USP45: variants seen among roughly 807,000 people sequenced by gnomAD.
The protein encoded by USP45 is ubiquitin carboxyl-terminal hydrolase 45.
USP45 carries 89 observed loss-of-function variants against 95.8 expected under a neutral mutation model. The observed-to-expected ratio is 0.93, with a 90% CI of 0.78 to 1.11. The LOEUF (loss-of-function observed/expected upper bound fraction) is 1.11, where lower values mean the gene tolerates loss of function less well. Among genes scored for constraint, USP45 ranks in the 50% least tolerant of loss-of-function variants. The probability of loss-of-function intolerance (pLI) is 0.00; values close to 1 mark genes in which losing one functional copy is unlikely to be tolerated. For missense variants in USP45, 898 were observed against 942.5 expected, an observed-to-expected ratio of 0.95 and a Z score of 0.62; for synonymous variants, 281 against 316.2, an observed-to-expected ratio of 0.89 and a Z score of 1.18.
chr6:99,502,664 G>A lies in USP45; in HGVS notation c.478+1101C>T, dbSNP rs114851250. Among the ~76,000 whole-genome samples, 1,194 of 152,264 alleles carry A rather than the reference G, an allele frequency of 7.8e-3. 16 individuals are homozygous for A. Among genetic ancestry groups the A allele is most frequent in the African/African-American group, 0.028 (1,144 of 41,548 alleles). On this transcript the variant is annotated intron_variant, in intron 5 of 17. Coordinates refer to ENST00000500704, the MANE Select transcript of USP45 (RefSeq NM_001346022.3). ...TGTGTCCACACCCAAATCTCATGTC[G>A]AGTTGTAATCGCCAATGTTGGAGGA... is the stretch of plus-strand genomic sequence containing the variant.
At position 99,432,998 on chromosome 6, in the gene USP45, TTTTA is replaced by T. The variant is rs1480757920; in HGVS notation, c.*2714_*2717del. ...TTTGAATTGATACCAACTGTCTTCT[TTTTA>T]TTTATTTTTGAGACAGGGTCTCACT... On this transcript the variant is annotated 3_prime_UTR_variant, in exon 18 of 18. Transcript: ENST00000500704. 1 of 152,278 alleles carries T rather than the reference TTTTA, an allele frequency of 6.6e-6. No individual in the cohort carries two copies. The highest frequency in any genetic ancestry group is 1.5e-5 in the Non-Finnish European group (1 of 68,028). 9.4% of individuals were successfully genotyped at this position (152,278 alleles called of 1,614,324 possible). A position where few individuals can be genotyped will look rare whatever the true frequency, so the allele number is the denominator to read the frequency against.
intron 13 of USP45, among the ~76,000 whole-genome samples, chr6:99,463,536 T>C (rs1214871446): frequency 4.6e-5 from 7 of 151,860 alleles, no homozygotes; most frequent in Non-Finnish European, 8.8e-5. Context: ...AGGGAATCTG[T>C]AGATGAAAAG....
Position 99,440,387 on chromosome 6 carries a change from T to C in USP45, c.2074-532A>G, listed in dbSNP as rs546636156. Among the ~76,000 whole-genome samples, 3 of 152,348 alleles carry C rather than the reference T, an allele frequency of 2.0e-5. No individual in the cohort carries two copies. The South Asian group carries it at 6.2e-4, about 32-fold the overall frequency. ...TTACATCAATAAAATTGTACTTTTA[T>C]GTTCTTAAATATGCTCTCTTTTTCT... On this transcript the variant is annotated intron_variant, in intron 15 of 17. Transcript: ENST00000500704.
chr6:99,445,814 T>C lies in USP45; in HGVS notation c.1958A>G (p.Glu653Gly), dbSNP rs770790726. 1 of 1,573,432 alleles carries C rather than the reference T, an allele frequency of 6.4e-7. No homozygotes were observed. Among genetic ancestry groups the C allele is most frequent in the Admixed American group, 2.0e-5 (1 of 50,024 alleles). ...NCTKNKQKYQ[E>G]ETSFAEKKVE... ...ATAATTACCTGCAAAACTGGTTTCTTCTTGGTACTTCTGTTTGTTTTTAGT... is the reference window on the plus strand; with the variant it reads ...ATAATTACCTGCAAAACTGGTTTCTCCTTGGTACTTCTGTTTGTTTTTAGT... Residue 653 changes from glutamate (E) to glycine (G), a missense_variant, in exon 14 of 18, where the codon GAA (glutamate) becomes GGA (glycine). By Grantham distance (98) the Glu-to-Gly change is moderately conservative. Coordinates refer to ENST00000500704, the MANE Select transcript of USP45 (RefSeq NM_001346022.3).
chr6:99,515,922 C>T (rs1167173851), upstream of USP45, among the ~76,000 whole-genome samples: 2 of 151,942 alleles, frequency 1.3e-5, no homozygotes, highest in African/African-American at 2.4e-5. Flanking sequence ...CTACAGGCGC[C>T]CGCCATCACG....
At chr6:99,486,230 G>C (rs1793842904) in intron 7 of USP45, among the ~76,000 whole-genome samples, 1 of 152,180 alleles carries the variant, frequency 6.6e-6, no homozygotes, top group African/African-American at 2.4e-5. Flanking sequence ...TCAAAGAACA[G>C]TGCCACAGCT....
At chr6:99,458,517 T>A (rs1342045310) in intron 13 of USP45, among the ~76,000 whole-genome samples, 1 of 152,216 alleles carries the variant, frequency 6.6e-6, no homozygotes, top group Non-Finnish European at 1.5e-5. Flanking sequence ...GGGGGCAGTA[T>A]ACGTGGTTAA....
Position 99,464,758 on chromosome 6 carries a change from G to T in USP45, c.1165-11C>A. 2 of 1,580,368 alleles carry T rather than the reference G, an allele frequency of 1.3e-6. No homozygotes were observed. ...TAAAGGTTTTGAAACCTATGTAAAT[G>T]CCACATACAGAAACCAAAACCTCTT... On this transcript the variant is annotated splice_polypyrimidine_tract_variant and intron_variant, in intron 12 of 17. Coordinates refer to ENST00000500704, the MANE Select transcript of USP45 (RefSeq NM_001346022.3).
intron 4 of USP45, among the ~76,000 whole-genome samples, chr6:99,506,916 A>T (rs757565910): frequency 2.2e-4 from 34 of 152,214 alleles, no homozygotes; most frequent in South Asian, 4.1e-4. Flanking sequence ...GATAGAGAAA[A>T]GTAGAAAGGC....
At chr6:99,494,309 C>T (rs974630440) in intron 5 of USP45, among the ~76,000 whole-genome samples, 5 of 152,124 alleles carry the variant, frequency 3.3e-5, no homozygotes, top group Admixed American at 6.6e-5. Context: ...ATTGAGAGCA[C>T]ACTTTCGGCA....
chr6:99,470,197 T>G (rs1418625389), intron 9 of USP45, among the ~76,000 whole-genome samples: 5 of 152,136 alleles, frequency 3.3e-5, no homozygotes, highest in African/African-American at 1.2e-4. Context: ...CCTTCTGCCA[T>G]TATAACATGC....
At chr6:99,462,932 C>G (rs138917089) in intron 13 of USP45, 1 of 152,526 alleles carries the variant, frequency 6.6e-6, no homozygotes, top group Non-Finnish European at 1.5e-5. Flanking sequence ...GAGCTGAGAT[C>G]GTGCCACTGC....
At chr6:99,508,174 A>T (rs568720887) in intron 3 of USP45, among the ~76,000 whole-genome samples, 6 of 113,482 alleles carry the variant, frequency 5.3e-5, no homozygotes, top group African/African-American at 1.9e-4. Context: ...TTATTTTTTT[A>T]AAAAAGTATA....
chr6:99,516,004 C>T (rs1024880969), upstream of USP45, among the ~76,000 whole-genome samples: 1 of 151,960 alleles, frequency 6.6e-6, no homozygotes, highest in South Asian at 2.1e-4. Context: ...GTCTCGATCT[C>T]CTGACCTTGT....
intron 5 of USP45, among the ~76,000 whole-genome samples, chr6:99,495,967 C>G (rs966414480): frequency 6.6e-6 from 1 of 152,062 alleles, no homozygotes; most frequent in Non-Finnish European, 1.5e-5. Context: ...TTTGTAGTAT[C>G]GATGAGGAAC....
chr6:99,484,025 T>TTTTTTTTTTTA (rs1427246582), intron 7 of USP45, among the ~76,000 whole-genome samples: 1 of 145,566 alleles, frequency 6.9e-6, no homozygotes, highest in African/African-American at 2.5e-5. Flanking sequence ...TTTTTTTTTT[T>TTTTTTTTTTTA]AAAGAGACAG....
intron 5 of USP45, among the ~76,000 whole-genome samples, chr6:99,496,608 A>G (rs1452145541): frequency 6.6e-6 from 1 of 152,204 alleles, no homozygotes. Context: ...ATTGTCAGTC[A>G]TCTATTTCAC....
chr6:99,457,027 AC>A (rs1444161664), intron 13 of USP45, among the ~76,000 whole-genome samples: 1 of 152,092 alleles, frequency 6.6e-6, no homozygotes, highest in Non-Finnish European at 1.5e-5. Flanking sequence ...GATGAAATAG[AC>A]CCCAGTCTCC....
intron 13 of USP45, among the ~76,000 whole-genome samples, chr6:99,455,773 G>C (rs1279861738): frequency 7.3e-6 from 1 of 137,916 alleles, no homozygotes; most frequent in Non-Finnish European, 1.5e-5. Flanking sequence ...AGGCAAGCTA[G>C]GCACAGAAAG....
Sources: allele counts gnomAD v4.1 joint callset (sites outside exome capture counted in the v4.1 genomes callset), GRCh38; gene constraint gnomAD v4.1.1; transcripts MANE v1.5; gene names NCBI Gene and HGNC (gene_info 2026-07-23, HGNC 2026-07-21).